Variants in PCDHGB4 observed in about 807,000 individuals in gnomAD.
PCDHGB4 encodes the protein protocadherin gamma subfamily B, 4.
A neutral mutation model predicts 60.5 loss-of-function variants in PCDHGB4; 38 were observed. The observed-to-expected ratio is 0.63, with a 90% confidence interval of 0.48 to 0.82. The LOEUF (loss-of-function observed/expected upper bound fraction) is 0.82. Among genes scored for constraint, PCDHGB4 ranks in the 40% least tolerant of loss-of-function variants. The pLI is 0.00. For synonymous variants in PCDHGB4, 456 were observed against 509.7 expected, an observed-to-expected ratio of 0.89 and a Z score of 1.42; for missense variants, 1,109 against 1,209.6, an observed-to-expected ratio of 0.92 and a Z score of 1.23.
chr5:141,494,446 G>C (rs1046119515), intron 1 of PCDHGB4, among the ~76,000 whole-genome samples: 2 of 152,172 alleles, frequency 1.3e-5, no homozygotes, highest in African/African-American at 4.8e-5. Context: ...TGCCACTTTA[G>C]GGGGCTTTGT....
intron 1 of PCDHGB4, among the ~76,000 whole-genome samples, chr5:141,459,937 G>A (rs904431112): frequency 6.6e-6 from 1 of 152,132 alleles, no homozygotes; most frequent in Non-Finnish European, 1.5e-5. Flanking sequence ...TTGTAGCTGG[G>A]CGTGATGGCA....
At chr5:141,405,377 G>T (rs763495028) in intron 1 of PCDHGB4, 29 of 1,603,350 alleles carry the variant, frequency 1.8e-5, no homozygotes, top group Admixed American at 3.5e-5. Flanking sequence ...TTTGGTTCCG[G>T]TGAGTTCATT....
At chr5:141,466,827 T>C (rs1414741980) in intron 1 of PCDHGB4, among the ~76,000 whole-genome samples, 1 of 152,194 alleles carries the variant, frequency 6.6e-6, no homozygotes, top group Admixed American at 6.5e-5. Context: ...AACAAGTTAG[T>C]ATGGGTTTAT....
intron 1 of PCDHGB4, among the ~76,000 whole-genome samples, chr5:141,494,397 A>G (rs965158973): frequency 7.2e-5 from 11 of 152,208 alleles, no homozygotes; most frequent in African/African-American, 2.4e-4. Flanking sequence ...GAATAAATTC[A>G]TTCTAGGGCT....
intron 1 of PCDHGB4, chr5:141,415,450 C>T (rs774745130): frequency 1.9e-6 from 3 of 1,614,202 alleles, no homozygotes; most frequent in Non-Finnish European, 2.5e-6. Flanking sequence ...GACCTATTCC[C>T]ACGAGGTCTC....
At position 141,491,658 on chromosome 5, in the gene PCDHGB4, C is replaced by A; in HGVS notation, c.2398-3149C>A. 1 of 1,613,822 alleles carries A rather than the reference C, an allele frequency of 6.2e-7. No homozygotes were observed. The highest frequency in any genetic ancestry group is 8.5e-7 in the Non-Finnish European group (1 of 1,180,016). On this transcript the variant is annotated intron_variant, in intron 1 of 3. Coordinates refer to ENST00000519479, the MANE Select transcript of PCDHGB4 (RefSeq NM_003736.4). The surrounding 1 kb of genome is among the most constrained non-coding windows in gnomAD (Gnocchi z 6.9). ...CCACAGCTCTGGCGCTGGAGCCTGA[C>A]GCCATCCGGTCCCGCTCTAATACGC... is the stretch of plus-strand genomic sequence containing the variant.
intron 1 of PCDHGB4, among the ~76,000 whole-genome samples, chr5:141,484,202 T>C (rs2099593138): frequency 6.6e-6 from 1 of 152,214 alleles, no homozygotes; most frequent in Non-Finnish European, 1.5e-5. Context: ...ATTAAATCTA[T>C]GAACATTAGC....
rs763001349 is a variant in PCDHGB4 at position 141,398,988 on chromosome 5, C to A, written c.2397+8707C>A. 1.9e-6 allele frequency: 3 copies of A among 1,613,832 alleles called. No homozygotes were observed. The African/African-American group carries it at 4.0e-5, about 22-fold the overall frequency. On this transcript the variant is annotated intron_variant, in intron 1 of 3. Coordinates refer to ENST00000519479, the MANE Select transcript of PCDHGB4 (RefSeq NM_003736.4). Reference sequence around the variant, plus strand: ...ATTCCTTCTACAGAACCGGGCAAATCTTTAGTCTGAATTCAAAGAGCGGAG... The same window carrying A: ...ATTCCTTCTACAGAACCGGGCAAATATTTAGTCTGAATTCAAAGAGCGGAG...
chr5:141,425,013 G>T (rs1666336437), intron 1 of PCDHGB4, among the ~76,000 whole-genome samples: 1 of 152,108 alleles, frequency 6.6e-6, no homozygotes, highest in Non-Finnish European at 1.5e-5. Flanking sequence ...TCTCATTTAG[G>T]AATTTACCTT....
rs549557253 is a variant in PCDHGB4 at position 141,503,310 on chromosome 5, T to C, written c.2457-2083T>C. 2.6e-5 allele frequency among the ~76,000 whole-genome samples: 4 copies of C among 152,176 alleles called. No homozygotes were observed. The East Asian group carries it at 7.7e-4, about 29-fold the overall frequency. On this transcript the variant is annotated intron_variant, in intron 2 of 3. Coordinates refer to ENST00000519479, the MANE Select transcript of PCDHGB4 (RefSeq NM_003736.4). ...TACATAGAAATTGCTCAAGAAAGAA[T>C]TGTTGGAGGGGCGCGGTGGCTCACG...
In PCDHGB4 at chr5:141,454,484, G is replaced by A. The variant is rs555881095; in HGVS notation, c.2398-40323G>A. On this transcript the variant is annotated intron_variant, in intron 1 of 3. Transcript: ENST00000519479. The stretch of plus-strand genomic sequence containing the variant: ...TGCAATGGCATGATCTCAGCTCACC[G>A]CAACCTCCACCTCCTGGATTCAGGC... Among the ~76,000 whole-genome samples, 7 of 152,218 alleles carry A rather than the reference G, an allele frequency of 4.6e-5. No individual in the cohort carries two copies. In the East Asian group the frequency reaches 7.7e-4, roughly 17 times the overall value.
At chr5:141,495,209 C>T (rs548415564) in intron 2 of PCDHGB4, among the ~76,000 whole-genome samples, 1 of 152,342 alleles carries the variant, frequency 6.6e-6, no homozygotes, top group Admixed American at 6.5e-5. Flanking sequence ...GCCTAACCCC[C>T]TCCCCTGAGT....
intron 3 of PCDHGB4, among the ~76,000 whole-genome samples, chr5:141,508,761 C>G (rs943236216): frequency 6.6e-6 from 1 of 151,974 alleles, no homozygotes; most frequent in Admixed American, 6.6e-5. Context: ...TCTGGCGCCT[C>G]TGAGGTCCCC....
In PCDHGB4 at chr5:141,418,429, A is replaced by G. The variant is rs765952024; in HGVS notation, c.2397+28148A>G. ...AGAAAGACAATCCTGATGGTGGCAAATATCCAGAATTAGTATTGCAGAAGA... is the reference window on the plus strand; with the variant it reads ...AGAAAGACAATCCTGATGGTGGCAAGTATCCAGAATTAGTATTGCAGAAGA... On this transcript the variant is annotated intron_variant, in intron 1 of 3. Transcript: ENST00000519479. 8.7e-6 allele frequency: 14 copies of G among 1,613,972 alleles called. No homozygotes were observed. In the South Asian group the frequency reaches 1.5e-4, roughly 18 times the overall value.
Position 141,422,436 on chromosome 5 carries a change from C to T in PCDHGB4, c.2397+32155C>T, listed in dbSNP as rs200737047. The T allele has an allele frequency of 1.2e-5, 20 of 1,609,634 alleles. No homozygotes were observed. The East Asian group carries it at 4.0e-4, about 32-fold the overall frequency. On this transcript the variant is annotated intron_variant, in intron 1 of 3. Coordinates refer to ENST00000519479, the MANE Select transcript of PCDHGB4 (RefSeq NM_003736.4). The stretch of plus-strand genomic sequence containing the variant: ...TAGAAAAGACTTATGGAAATTATTA[C>T]AAATTGATAACAAGCAGAGTGCTGG...
chr5:141,491,353 T>A lies in PCDHGB4; in HGVS notation c.2398-3454T>A. On this transcript the variant is annotated intron_variant, in intron 1 of 3. Coordinates refer to ENST00000519479, the MANE Select transcript of PCDHGB4 (RefSeq NM_003736.4). This position sits in a 1 kb window ranked among gnomAD's most constrained non-coding sequence, Gnocchi z 6.9. ...GGCTCTAGCGACCGTCAGTCTCTTATCCCTAGTCACCTTCACCTTTCTGTC... is the reference window on the plus strand; with the variant it reads ...GGCTCTAGCGACCGTCAGTCTCTTAACCCTAGTCACCTTCACCTTTCTGTC... The A allele has an allele frequency of 6.2e-7, 1 of 1,614,160 alleles. No homozygotes were observed. Among genetic ancestry groups the A allele is most frequent in the South Asian group, 1.1e-5 (1 of 91,080 alleles).
At chr5:141,412,981 G>C (rs1309699690) in intron 1 of PCDHGB4, 2 of 546,326 alleles carry the variant, frequency 3.7e-6, no homozygotes, top group Non-Finnish European at 3.1e-6. Context: ...AACGCAGCCA[G>C]AGCTCAATCC....
At chr5:141,482,570 C>A (rs2099568543) in intron 1 of PCDHGB4, among the ~76,000 whole-genome samples, 1 of 144,954 alleles carries the variant, frequency 6.9e-6, no homozygotes, top group African/African-American at 2.6e-5. Context: ...ATCTGCATAG[C>A]ATAAGATGCA....
intron 1 of PCDHGB4, chr5:141,409,242 T>C (rs372196346): frequency 1.4e-5 from 22 of 1,613,864 alleles, no homozygotes; most frequent in Middle Eastern, 1.6e-4. Context: ...AGCCCAGAAA[T>C]AATCATCACT....
Sources: allele counts gnomAD v4.1 joint callset (sites outside exome capture counted in the v4.1 genomes callset), GRCh38; gene constraint gnomAD v4.1.1; non-coding constraint Gnocchi (gnomAD v3.1); transcripts MANE v1.5; gene names NCBI Gene and HGNC (gene_info 2026-07-23, HGNC 2026-07-21).